The following B3GAT1 variants were observed in gnomAD, a reference collection of about 807,000 sequenced individuals.
The protein encoded by B3GAT1 is beta-1,3-glucuronyltransferase 1.
A neutral mutation model predicts 28.4 loss-of-function variants in B3GAT1; 11 were observed. The observed-to-expected ratio is 0.39, with a 90% confidence interval of 0.24 to 0.64. B3GAT1 has a LOEUF of 0.64. Among genes scored for constraint, B3GAT1 ranks in the 30% least tolerant of loss-of-function variants. The pLI is 0.50. For synonymous variants in B3GAT1, 255 were observed against 223.1 expected (o/e 1.14, Z -1.27); for missense variants, 375 against 491.0 (o/e 0.76, Z 2.23).
chr11:134,399,652 G>A (rs1944573404), intron 1 of B3GAT1, among the ~76,000 whole-genome samples: 1 of 152,184 alleles, frequency 6.6e-6, no homozygotes, highest in Non-Finnish European at 1.5e-5. Context: ...CCTGGACCCT[G>A]GAAGCTAGGA....
At chr11:134,381,869 G>A (rs1169577011) in intron 5 of B3GAT1, 55 bp downstream of exon 5, 2 of 1,411,736 alleles carry the variant, frequency 1.4e-6, no homozygotes, top group African/African-American at 1.4e-5. Context: ...AGTTGATTCG[G>A]CCCAACCTGG....
intron 1 of B3GAT1, among the ~76,000 whole-genome samples, chr11:134,408,547 T>G (rs768964351): frequency 6.3e-5 from 1 of 15,786 alleles, no homozygotes. Context: ...GGAGGTGGGA[T>G]AGCCTGCACC....
chr11:134,399,348 C>T (rs562574152), intron 1 of B3GAT1, among the ~76,000 whole-genome samples: 2 of 152,218 alleles, frequency 1.3e-5, no homozygotes, highest in Admixed American at 6.5e-5. Flanking sequence ...AGAGACTCCC[C>T]AGTCAGCCAG....
In B3GAT1 at chr11:134,393,549, C is replaced by A. The variant is rs1405598090; in HGVS notation, c.-281-5609G>T. ...TTAGAATATGACTTTTCCCTGCCAG[C>A]CTTTACCTAACTTGGAGAACTTTTT... On this transcript the variant is annotated intron_variant, in intron 1 of 5. Coordinates refer to ENST00000312527, the MANE Select transcript of B3GAT1 (RefSeq NM_054025.3). This position sits in a 1 kb window ranked among gnomAD's most constrained non-coding sequence, Gnocchi z 4.0. 6.6e-6 allele frequency among the ~76,000 whole-genome samples: 1 copy of A among 152,204 alleles called. No individual in the cohort carries two copies. Among genetic ancestry groups the A allele is most frequent in the East Asian group, 1.9e-4 (1 of 5,198 alleles).
chr11:134,402,378 A>G (rs1944634403), intron 1 of B3GAT1, among the ~76,000 whole-genome samples: 1 of 152,142 alleles, frequency 6.6e-6, no homozygotes, highest in Non-Finnish European at 1.5e-5. Context: ...TCCTGCCTCC[A>G]GAGCTGTCAG....
chr11:134,410,549 T>C (rs190038826), intron 1 of B3GAT1, among the ~76,000 whole-genome samples: 108 of 152,240 alleles, frequency 7.1e-4, no homozygotes, highest in African/African-American at 2.5e-3. Flanking sequence ...CTTCACCCCA[T>C]GGGAAGAAAG....
rs539613725 is a variant in B3GAT1 at position 134,411,695 on chromosome 11, C to G, written c.-282+112G>C. 6.5e-6 allele frequency: 1 copy of G among 153,068 alleles called. No individual in the cohort carries two copies. Among genetic ancestry groups the G allele is most frequent in the African/African-American group, 2.4e-5 (1 of 41,490 alleles). 9.5% of individuals were successfully genotyped at this position (153,068 alleles called of 1,614,324 possible). A position where few individuals can be genotyped will look rare whatever the true frequency, so the allele number is the denominator to read the frequency against. ...GCACACACACACACACACACACACA[C>G]ACACACACACCCCAGCGCGCGCCCG... On this transcript the variant is annotated intron_variant, in intron 1 of 5. Transcript: ENST00000312527. The surrounding 1 kb of genome is among the most constrained non-coding windows in gnomAD (Gnocchi z 6.0).
At chr11:134,382,154 T>A in intron 4 of B3GAT1, 130 bp from the exon 5 acceptor site, 1 of 709,702 alleles carries the variant, frequency 1.4e-6, no homozygotes, top group East Asian at 2.7e-5. Flanking sequence ...TTTCAATTGT[T>A]CCATCAAGAT....
chr11:134,404,179 T>C (rs1944684941), intron 1 of B3GAT1, among the ~76,000 whole-genome samples: 1 of 151,792 alleles, frequency 6.6e-6, no homozygotes, highest in African/African-American at 2.4e-5. Flanking sequence ...TCTCCCGCTA[T>C]CCCACGACAG....
chr11:134,381,479 C>T lies in B3GAT1; in HGVS notation c.*14+445G>A, dbSNP rs113587728. On this transcript the variant is annotated intron_variant, in intron 5 of 5. Coordinates refer to ENST00000312527, the MANE Select transcript of B3GAT1 (RefSeq NM_054025.3). ...GCTCTGGGTCCGTGCTGTCACTCTG[C>T]GCTACCTCTCACTATGACAGCCGTG... Among the ~76,000 whole-genome samples the T allele has an allele frequency of 3.4e-3, 521 of 152,312 alleles. 3 individuals are homozygous for T. Among genetic ancestry groups the T allele is most frequent in the African/African-American group, 0.011 (439 of 41,564 alleles).
In B3GAT1 at chr11:134,383,908, C is replaced by A. The variant is rs751402311; in HGVS notation, c.393G>T (p.Ala131=). ...TGAGGCCGGTGTCGCGCAGCAGGCG[C>A]GCGGTCAGCGGCGTCCGGCGCGGCG... ...EDAPRRTPLT[A]RLLRDTGLNY... Residue 131 remains alanine (A), a synonymous_variant, in exon 3 of 6, where the codon GCG becomes GCT. Coordinates refer to ENST00000312527, the MANE Select transcript of B3GAT1 (RefSeq NM_054025.3). The A allele has an allele frequency of 5.6e-6, 9 of 1,595,654 alleles. No individual in the cohort carries two copies. In the South Asian group the frequency reaches 1.0e-4, roughly 18 times the overall value.
intron 1 of B3GAT1, among the ~76,000 whole-genome samples, chr11:134,407,609 T>G (rs1158619206): frequency 6.6e-6 from 1 of 152,262 alleles, no homozygotes; most frequent in Non-Finnish European, 1.5e-5. Flanking sequence ...CCTTAATCCC[T>G]GCCAGGCACT....
chr11:134,400,847 T>C (rs1944599539), intron 1 of B3GAT1, among the ~76,000 whole-genome samples: 1 of 152,150 alleles, frequency 6.6e-6, no homozygotes, highest in Non-Finnish European at 1.5e-5. Context: ...CAGATCTGCA[T>C]CCAACAAAGG....
chr11:134,403,981 C>CTTTATATATATA (rs1944671558), intron 1 of B3GAT1, among the ~76,000 whole-genome samples: 1 of 31,184 alleles, frequency 3.2e-5, no homozygotes, highest in East Asian at 9.9e-4. Context: ...GAGTTTCTTT[C>CTTTATATATATA]TTTATATATA....
intron 1 of B3GAT1, among the ~76,000 whole-genome samples, chr11:134,397,362 G>T (rs1002785751): frequency 5.3e-5 from 8 of 152,014 alleles, no homozygotes; most frequent in Non-Finnish European, 1.0e-4. Flanking sequence ...CCTGCCCTGC[G>T]CCCGCCCACC....
intron 1 of B3GAT1, among the ~76,000 whole-genome samples, chr11:134,401,970 C>CG (rs536585130): frequency 0.098 from 1,104 of 11,258 alleles, 17 homozygotes; most frequent in African/African-American, 0.17. Context: ...TGGCCTGGGG[C>CG]GGGGGGGGGC....
chr11:134,412,226 G>T lies in B3GAT1; in HGVS notation c.-701C>A, dbSNP rs1302654258. Among the ~76,000 whole-genome samples, 1 of 145,250 alleles carries T rather than the reference G, an allele frequency of 6.9e-6. No individual in the cohort carries two copies. The highest frequency in any genetic ancestry group is 2.5e-5 in the African/African-American group (1 of 40,398). On this transcript the variant is annotated 5_prime_UTR_variant, in exon 1 of 6. Coordinates refer to ENST00000312527, the MANE Select transcript of B3GAT1 (RefSeq NM_054025.3). ...TCCCCGAGGTGGCGGCGGATGCGCC[G>T]GTGCCGCCGCGGCTCTGCCGGCGCC...
rs1224753429 is a variant in B3GAT1, at chr11:134,393,918, G to A, written c.-281-5978C>T. ...GGCTTTGTCCCACAGATCTCCAGGT[G>A]CCCCTAATGGGATCAGCGGATTAGT... On this transcript the variant is annotated intron_variant, in intron 1 of 5. Transcript: ENST00000312527. The surrounding 1 kb of genome is among the most constrained non-coding windows in gnomAD (Gnocchi z 4.0). Among the ~76,000 whole-genome samples, 3 of 152,198 alleles carry A rather than the reference G, an allele frequency of 2.0e-5. No homozygotes were observed. The South Asian group carries it at 6.2e-4, about 31-fold the overall frequency.
chr11:134,382,615 T>G, intron 4 of B3GAT1, 95 bp downstream of exon 4: 1 of 1,435,318 alleles, frequency 7.0e-7, no homozygotes, highest in Non-Finnish European at 9.4e-7. Flanking sequence ...CCCAGGCTAT[T>G]TTGAGGCCTC....
Sources: gnomAD v4.1 joint callset for allele counts (sites outside exome capture counted in the v4.1 genomes callset) on GRCh38, gnomAD v4.1.1 for gene constraint, Gnocchi (gnomAD v3.1) non-coding constraint, MANE v1.5 for transcripts, NCBI Gene and HGNC (gene_info 2026-07-23, HGNC 2026-07-21) for gene names.